TEX11: variants seen among roughly 807,000 people sequenced by gnomAD.
TEX11 encodes testis expressed 11, also known as testis-expressed protein 11.
A neutral mutation model predicts 84.4 loss-of-function variants in TEX11; 7 were observed. That is an observed-to-expected ratio of 0.08 (90% CI 0.05 to 0.16). The LOEUF is 0.16. Among genes scored for constraint, TEX11 ranks in the 10% least tolerant of loss-of-function variants. TEX11 has a pLI of 1.00. For missense variants in TEX11, 551 were observed against 660.5 expected (o/e 0.83, Z 1.82); for synonymous variants, 264 against 222.8 (o/e 1.18, Z -1.64).
At chrX:70,900,541 A>G (rs926101808) in intron 2 of TEX11, among the ~76,000 whole-genome samples, 1 of 111,001 alleles carries the variant, frequency 9.0e-6, no homozygotes, top group Admixed American at 9.7e-5. Flanking sequence ...CAACCTAATG[A>G]TGCATCTTAA....
At chrX:70,675,784 C>T (rs775517406) in intron 15 of TEX11, among the ~76,000 whole-genome samples, 18 of 111,354 alleles carry the variant, frequency 1.6e-4, no homozygotes, top group African/African-American at 5.9e-4. Context: ...CGTGCACCAC[C>T]ACACTTGGCT....
At chrX:70,837,699 GT>G (rs886099476) in intron 7 of TEX11, among the ~76,000 whole-genome samples, 1 of 111,832 alleles carries the variant, frequency 8.9e-6, no homozygotes, top group Admixed American at 9.5e-5. Flanking sequence ...TTTATATAAT[GT>G]TCTTAAAATG....
chrX:70,713,874 T>C (rs1048398583), intron 13 of TEX11, among the ~76,000 whole-genome samples: 6 of 111,906 alleles, frequency 5.4e-5, no homozygotes, highest in African/African-American at 1.6e-4. Context: ...GTTCTTTTAA[T>C]TGTAATGTTA....
intron 13 of TEX11, among the ~76,000 whole-genome samples, chrX:70,693,478 G>A (rs923618397): frequency 2.7e-5 from 3 of 111,471 alleles, no homozygotes; most frequent in African/African-American, 9.8e-5. Context: ...TGAACTTGTA[G>A]GGATGTTATG....
At position 70,634,675 on chromosome X, in the gene TEX11, T is replaced by C. The variant is rs186733304; in HGVS notation, c.1484-4940A>G. Reference sequence around the variant, plus strand: ...ATTCAACAGAGAAAGAATAGTTTGTTAAACAAATGATGCTGGAACAATTGG... The same window carrying C: ...ATTCAACAGAGAAAGAATAGTTTGTCAAACAAATGATGCTGGAACAATTGG... On this transcript the variant is annotated intron_variant, in intron 17 of 29. Transcript: ENST00000374333. 4.2e-4 allele frequency among the ~76,000 whole-genome samples: 44 copies of C among 105,665 alleles called. 1 individual carries two copies. Among genetic ancestry groups the C allele is most frequent in the Admixed American group, 2.3e-3 (23 of 9,828 alleles). 91.8% of individuals were successfully genotyped at this position (105,665 alleles called of 115,157 possible).
At chrX:70,873,714 CT>C (rs1413359297) in intron 3 of TEX11, among the ~76,000 whole-genome samples, 1 of 111,637 alleles carries the variant, frequency 9.0e-6, no homozygotes, top group Non-Finnish European at 1.9e-5. Flanking sequence ...AATTATATTA[CT>C]TTGTATCATT....
At chrX:70,748,110 C>A (rs1602093741) in intron 9 of TEX11, among the ~76,000 whole-genome samples, 1 of 110,200 alleles carries the variant, frequency 9.1e-6, no homozygotes, top group East Asian at 2.8e-4. Flanking sequence ...ATTAAGCACA[C>A]CAACATATAC....
chrX:70,667,207 A>C (rs1175499478), intron 16 of TEX11, among the ~76,000 whole-genome samples: 2 of 112,316 alleles, frequency 1.8e-5, no homozygotes, highest in East Asian at 2.8e-4. Flanking sequence ...CATACTGTCT[A>C]TGGCTATTTT....
chrX:70,585,035 G>A (rs894875295), intron 25 of TEX11, among the ~76,000 whole-genome samples: 3 of 111,807 alleles, frequency 2.7e-5, no homozygotes, highest in Non-Finnish European at 5.6e-5. Flanking sequence ...GGAAGTTTTA[G>A]CCAGATAAAT....
intron 28 of TEX11, among the ~76,000 whole-genome samples, chrX:70,530,858 C>T (rs1425374517): frequency 8.9e-6 from 1 of 111,744 alleles, no homozygotes; most frequent in Non-Finnish European, 1.9e-5. Flanking sequence ...TTTGGGGACA[C>T]AAGGCATCCA....
intron 5 of TEX11, among the ~76,000 whole-genome samples, chrX:70,860,520 A>G (rs1194777097): frequency 9.0e-6 from 1 of 111,464 alleles, no homozygotes; most frequent in East Asian, 2.8e-4. Context: ...CAAATTTTTC[A>G]TTTGAAAAAC....
intron 16 of TEX11, among the ~76,000 whole-genome samples, chrX:70,652,957 A>G (rs5980991): frequency 0.19 from 21,477 of 110,799 alleles, 1,658 homozygotes; most frequent in African/African-American, 0.21. Flanking sequence ...TGAAAATAGT[A>G]TTTTTAACAA....
At chrX:70,856,634 A>T (rs1454441042) in intron 5 of TEX11, among the ~76,000 whole-genome samples, 1 of 110,973 alleles carries the variant, frequency 9.0e-6, no homozygotes, top group Non-Finnish European at 1.9e-5. Flanking sequence ...GGTTGAATCC[A>T]AGGATTCAGA....
At chrX:70,762,145 C>A (rs2090912779) in intron 9 of TEX11, among the ~76,000 whole-genome samples, 1 of 111,803 alleles carries the variant, frequency 8.9e-6, no homozygotes, top group African/African-American at 3.2e-5. Flanking sequence ...ACCTGTCCTG[C>A]AAGAAATGCT....
intron 13 of TEX11, among the ~76,000 whole-genome samples, chrX:70,697,582 C>G (rs2090291102): frequency 8.9e-6 from 1 of 112,032 alleles, no homozygotes. Flanking sequence ...GCTAAAGAAG[C>G]TAAATGCAGC....
intron 25 of TEX11, among the ~76,000 whole-genome samples, chrX:70,565,323 G>A (rs1569328671): frequency 9.3e-6 from 1 of 107,760 alleles, no homozygotes; most frequent in African/African-American, 3.4e-5. Context: ...AGATGAGTAG[G>A]TTGTGAAAAT....
At chrX:70,709,012 CAACA>C (rs2090402860) in intron 13 of TEX11, among the ~76,000 whole-genome samples, 1 of 110,886 alleles carries the variant, frequency 9.0e-6, no homozygotes, top group Non-Finnish European at 1.9e-5. Flanking sequence ...TTATCTATTT[CAACA>C]AAACTTATCT....
At chrX:70,586,995 A>T (rs2088861066) in intron 25 of TEX11, among the ~76,000 whole-genome samples, 1 of 112,261 alleles carries the variant, frequency 8.9e-6, no homozygotes, top group Non-Finnish European at 1.9e-5. Context: ...CTTCTTGGGA[A>T]CTGGAGCAAA....
Position 70,623,947 on chromosome X carries a change from C to T in TEX11, c.1751+3G>A. On this transcript the variant is annotated splice_donor_region_variant and intron_variant, in intron 20 of 29. Transcript: ENST00000374333. ...ATACATCATTTTTGTTGAAATAACTCACTTATCTTCAGATTCCGGCATTTC... is the reference window on the plus strand; with the variant it reads ...ATACATCATTTTTGTTGAAATAACTTACTTATCTTCAGATTCCGGCATTTC... 3 of 1,198,366 alleles carry T rather than the reference C, an allele frequency of 2.5e-6. No individual in the cohort carries two copies. Among genetic ancestry groups the T allele is most frequent in the South Asian group, 3.7e-5 (2 of 54,459 alleles).
Sources: allele counts gnomAD v4.1 joint callset (sites outside exome capture counted in the v4.1 genomes callset), GRCh38; gene constraint gnomAD v4.1.1; transcripts MANE v1.5; gene names NCBI Gene and HGNC (gene_info 2026-07-23, HGNC 2026-07-21).